Variants in CELF2 observed in about 807,000 individuals in gnomAD.
The protein encoded by CELF2 is CUGBP Elav-like family member 2, also known as CUG triplet repeat RNA-binding protein 2.
A neutral mutation model predicts 62.6 loss-of-function variants in CELF2; 8 were observed. The observed-to-expected ratio is 0.13, with a 90% confidence interval of 0.07 to 0.23. The LOEUF is 0.23. Ranked by LOEUF, CELF2 falls within the 10% of genes least tolerant of loss-of-function variation. The pLI is 1.00. For missense variants in CELF2, 333 were observed against 671.0 expected (o/e 0.50, Z 5.56); for synonymous variants, 258 against 250.0 (o/e 1.03, Z -0.30).
chr10:10,532,994 C>G, the CELF2 span, among the ~76,000 whole-genome samples: 1 of 151,854 alleles, frequency 6.6e-6, no homozygotes, highest in East Asian at 1.9e-4. Flanking sequence ...TTTCTGGCTT[C>G]GTGCTTTCTC....
chr10:10,484,979 G>A, the CELF2 span, among the ~76,000 whole-genome samples: 1 of 152,074 alleles, frequency 6.6e-6, no homozygotes, highest in African/African-American at 2.4e-5. Flanking sequence ...TTTATGAGCA[G>A]CTTGTACTTT....
At chr10:10,802,534 G>A (rs572576497) in intron 1 of CELF2, among the ~76,000 whole-genome samples, 1 of 134,270 alleles carries the variant, frequency 7.4e-6, no homozygotes, top group Non-Finnish European at 1.6e-5. Flanking sequence ...AAGATGAGAT[G>A]TTTATAGATA....
At chr10:11,072,261 C>A (rs150034587) in intron 1 of CELF2, among the ~76,000 whole-genome samples, 1 of 152,150 alleles carries the variant, frequency 6.6e-6, no homozygotes, top group African/African-American at 2.4e-5. Flanking sequence ...TGTACCTTCT[C>A]CTCCTCTCTC....
chr10:10,875,087 T>G (rs1189446781), intron 1 of CELF2, among the ~76,000 whole-genome samples: 1 of 152,232 alleles, frequency 6.6e-6, no homozygotes, highest in Non-Finnish European at 1.5e-5. Context: ...TCAGCTTCTT[T>G]TGTTGTTTAT....
intron 8 of CELF2, among the ~76,000 whole-genome samples, chr10:11,281,359 A>T (rs994440978): frequency 2.0e-5 from 3 of 152,190 alleles, no homozygotes; most frequent in Non-Finnish European, 4.4e-5. Flanking sequence ...AACACGACGA[A>T]GAGCACTGAG....
At chr10:11,278,681 G>A (rs541257411) in intron 8 of CELF2, among the ~76,000 whole-genome samples, 7 of 152,310 alleles carry the variant, frequency 4.6e-5, no homozygotes, top group East Asian at 3.8e-4. Context: ...AGCTAAGGAC[G>A]TGACTACCAC....
chr10:10,857,380 C>A (rs2133009142), intron 1 of CELF2, among the ~76,000 whole-genome samples: 1 of 152,040 alleles, frequency 6.6e-6, no homozygotes, highest in African/African-American at 2.4e-5. Context: ...AGAATTACTT[C>A]TCAGTAGTGG....
chr10:10,471,970 C>G, the CELF2 span, among the ~76,000 whole-genome samples: 1 of 151,826 alleles, frequency 6.6e-6, no homozygotes, highest in Non-Finnish European at 1.5e-5. Context: ...AGTAGTCAAT[C>G]AAAGCCTTCT....
chr10:11,129,402 TA>T (rs1288257088), intron 1 of CELF2, among the ~76,000 whole-genome samples: 1 of 152,350 alleles, frequency 6.6e-6, no homozygotes, highest in Non-Finnish European at 1.5e-5. Flanking sequence ...TAAAATGAGT[TA>T]GGGAGGATTC....
At position 11,280,727 on chromosome 10, in the gene CELF2, C is replaced by T. The variant is rs1175347266; in HGVS notation, c.841+5607C>T. Among the ~76,000 whole-genome samples the T allele has an allele frequency of 2.0e-5, 3 of 152,194 alleles. No individual in the cohort carries two copies. The highest frequency in any genetic ancestry group is 3.9e-4 in the East Asian group (2 of 5,184). ...AGGACACATGGGCCACGGCCTCTGC[C>T]TGGCTGAGTGGACAGAGGCCGCTCT... is the stretch of plus-strand genomic sequence containing the variant. On this transcript the variant is annotated intron_variant, in intron 8 of 12. Coordinates refer to ENST00000633077, the MANE Select transcript of CELF2 (RefSeq NM_001326342.2). This position sits in a 1 kb window ranked among gnomAD's most constrained non-coding sequence, Gnocchi z 7.6.
At chr10:10,830,503 G>A (rs2057763204) in intron 1 of CELF2, among the ~76,000 whole-genome samples, 1 of 151,986 alleles carries the variant, frequency 6.6e-6, no homozygotes, top group African/African-American at 2.4e-5. Context: ...TCGTCATTTT[G>A]TGTTACTCTT....
the CELF2 span, among the ~76,000 whole-genome samples, chr10:10,665,249 A>T: frequency 6.6e-6 from 1 of 152,194 alleles, no homozygotes; most frequent in Non-Finnish European, 1.5e-5. Context: ...AAACATGGAA[A>T]TCAAAATTAA....
chr10:10,508,660 ATG>A, the CELF2 span, among the ~76,000 whole-genome samples: 7,722 of 139,756 alleles, frequency 0.055, 282 homozygotes, highest in African/African-American at 0.11. Context: ...TCTTAAACAG[ATG>A]TGTGTGTGTG....
Position 11,324,088 on chromosome 10 carries a change from GTCTC to G in CELF2, c.1295-1744_1295-1741del, listed in dbSNP as rs2095599254. On this transcript the variant is annotated intron_variant, in intron 11 of 12. Coordinates refer to ENST00000633077, the MANE Select transcript of CELF2 (RefSeq NM_001326342.2). The surrounding 1 kb of genome is among the most constrained non-coding windows in gnomAD (Gnocchi z 4.7). ...AAAACCTACTTGTGTGCGTTTACTG[GTCTC>G]TCTGTTTCCTTGGTCTCTGTTGGGC... Among the ~76,000 whole-genome samples, 1 of 152,094 alleles carries G rather than the reference GTCTC, an allele frequency of 6.6e-6. No individual in the cohort carries two copies. Among genetic ancestry groups the G allele is most frequent in the Non-Finnish European group, 1.5e-5 (1 of 68,020 alleles).
chr10:10,774,534 A>C, the CELF2 span, among the ~76,000 whole-genome samples: 8 of 152,034 alleles, frequency 5.3e-5, no homozygotes, highest in African/African-American at 1.9e-4. Flanking sequence ...AGTGTGTGGC[A>C]CCTTCCCTGC....
the CELF2 span, among the ~76,000 whole-genome samples, chr10:10,633,044 C>T: frequency 6.6e-6 from 1 of 152,062 alleles, no homozygotes; most frequent in Admixed American, 6.6e-5. Context: ...TTCCTTAAAC[C>T]AGTATTCTCT....
At chr10:11,029,205 G>A (rs1212388661) in intron 1 of CELF2, among the ~76,000 whole-genome samples, 2 of 152,200 alleles carry the variant, frequency 1.3e-5, no homozygotes, top group African/African-American at 4.8e-5. Context: ...AAGACAAGGG[G>A]TTTGGGGTAT....
chr10:10,628,928 AC>A, the CELF2 span, among the ~76,000 whole-genome samples: 1 of 152,214 alleles, frequency 6.6e-6, no homozygotes, highest in Non-Finnish European at 1.5e-5. Flanking sequence ...AAGGATCCTG[AC>A]TATAAATAAG....
Position 11,247,410 on chromosome 10 carries a change from G to A in CELF2, c.355-1743G>A, listed in dbSNP as rs767615291. Among the ~76,000 whole-genome samples, 16 of 152,188 alleles carry A rather than the reference G, an allele frequency of 1.1e-4. No individual in the cohort carries two copies. Among genetic ancestry groups the A allele is most frequent in the Non-Finnish European group, 2.2e-4 (15 of 68,028 alleles). ...ACATGCCGGCCCCCCTTCAGTGCTC[G>A]CACGTCCAAGGACTCGGCCCAGATG... On this transcript the variant is annotated intron_variant, in intron 3 of 12. Coordinates refer to ENST00000633077, the MANE Select transcript of CELF2 (RefSeq NM_001326342.2). This position sits in a 1 kb window ranked among gnomAD's most constrained non-coding sequence, Gnocchi z 5.4.
Sources: gnomAD v4.1 joint callset for allele counts (sites outside exome capture counted in the v4.1 genomes callset) on GRCh38, gnomAD v4.1.1 for gene constraint, Gnocchi (gnomAD v3.1) non-coding constraint, MANE v1.5 for transcripts, NCBI Gene and HGNC (gene_info 2026-07-23, HGNC 2026-07-21) for gene names.